The following INTS9 variants were observed in gnomAD, a reference collection of about 807,000 sequenced individuals.
INTS9 encodes protein related to CPSF subunits of 74 kDa.
Under a neutral mutation model 79.7 loss-of-function variants are expected in INTS9, and 55 were observed. The observed-to-expected ratio is 0.69, with a 90% CI of 0.56 to 0.86. The LOEUF (loss-of-function observed/expected upper bound fraction) is 0.86, where lower values mean the gene tolerates loss of function less well. INTS9 is among the 40% of genes least tolerant of loss of function. The pLI is 0.00. For missense variants in INTS9, 721 were observed against 831.5 expected (o/e 0.87, Z 1.64); for synonymous variants, 319 against 325.2 (o/e 0.98, Z 0.20).
chr8:28,802,671 G>C (rs1804586624), intron 8 of INTS9, among the ~76,000 whole-genome samples: 1 of 152,096 alleles, frequency 6.6e-6, no homozygotes, highest in Non-Finnish European at 1.5e-5. Flanking sequence ...GATGAGAAAA[G>C]ATCAAAACAA....
At position 28,780,495 on chromosome 8, in the gene INTS9, A is replaced by G. The variant is rs1197472434; in HGVS notation, c.1270+328T>C. 4.1e-6 allele frequency: 4 copies of G among 985,448 alleles called. No individual in the cohort carries two copies. In the South Asian group the frequency reaches 1.9e-4, roughly 46 times the overall value. The allele number at this position is 985,448 out of a possible 1,614,324, so 61.0% of individuals were successfully genotyped here. ...AGAAAAAGATCTACCTCTGTAAACA[A>G]TTCCTAACAGGTAAAACAACACCGT... On this transcript the variant is annotated intron_variant, in intron 12 of 16. Transcript: ENST00000521022.
intron 1 of INTS9, among the ~76,000 whole-genome samples, chr8:28,877,705 C>A (rs1809472283): frequency 6.6e-6 from 1 of 152,110 alleles, no homozygotes; most frequent in Admixed American, 6.5e-5. Context: ...CACTATGCAA[C>A]CGGTTTTTCT....
chr8:28,839,620 C>T (rs1197339295), intron 4 of INTS9, among the ~76,000 whole-genome samples: 1 of 151,940 alleles, frequency 6.6e-6, no homozygotes, highest in Non-Finnish European at 1.5e-5. Context: ...AGAACAGAGC[C>T]CTCAGAAATA....
chr8:28,792,781 C>T (rs555431627), intron 10 of INTS9, among the ~76,000 whole-genome samples: 4 of 151,982 alleles, frequency 2.6e-5, no homozygotes, highest in Middle Eastern at 3.4e-3. Flanking sequence ...GGCATGGTGG[C>T]GGGTGCCTGT....
intron 6 of INTS9, among the ~76,000 whole-genome samples, chr8:28,814,304 A>T (rs1484630622): frequency 2.4e-5 from 3 of 126,210 alleles, no homozygotes; most frequent in African/African-American, 8.2e-5. Context: ...ACACACACAC[A>T]CACACACACA....
intron 8 of INTS9, among the ~76,000 whole-genome samples, chr8:28,801,877 T>C (rs1804547940): frequency 6.6e-6 from 1 of 152,136 alleles, no homozygotes; most frequent in Non-Finnish European, 1.5e-5. Flanking sequence ...CCTCCCAAAG[T>C]GCTGGGATTA....
intron 2 of INTS9, among the ~76,000 whole-genome samples, chr8:28,854,013 G>A (rs902544273): frequency 2.6e-5 from 4 of 152,084 alleles, no homozygotes; most frequent in African/African-American, 7.2e-5. Flanking sequence ...AAGCCACCGC[G>A]CCTGGCCCAC....
At chr8:28,824,914 T>C (rs1283458241) in intron 6 of INTS9, among the ~76,000 whole-genome samples, 1 of 152,206 alleles carries the variant, frequency 6.6e-6, no homozygotes, top group Non-Finnish European at 1.5e-5. Context: ...TGATATATAA[T>C]ATAATGCATG....
intron 10 of INTS9, among the ~76,000 whole-genome samples, chr8:28,792,059 T>C (rs1803947630): frequency 6.6e-6 from 1 of 152,230 alleles, no homozygotes; most frequent in African/African-American, 2.4e-5. Context: ...AGTACAATTA[T>C]AAGTGAGGCT....
chr8:28,881,088 G>T (rs1265589922), intron 1 of INTS9, among the ~76,000 whole-genome samples: 1 of 149,642 alleles, frequency 6.7e-6, no homozygotes, highest in Non-Finnish European at 1.5e-5. Flanking sequence ...AGTGAGGAGC[G>T]TCTCCGCCCG....
At chr8:28,804,689 G>T (rs1295301709) in intron 8 of INTS9, among the ~76,000 whole-genome samples, 1 of 152,196 alleles carries the variant, frequency 6.6e-6, no homozygotes, top group African/African-American at 2.4e-5. Context: ...AAGGAAGGCA[G>T]CATCTACTAA....
intron 1 of INTS9, among the ~76,000 whole-genome samples, chr8:28,885,636 G>T (rs967018343): frequency 6.6e-6 from 1 of 152,096 alleles, no homozygotes; most frequent in Non-Finnish European, 1.5e-5. Context: ...TATTTTATTC[G>T]CTTGACTCTT....
At chr8:28,835,210 A>C in intron 6 of INTS9, 82 bp downstream of exon 6, 1 of 842,002 alleles carries the variant, frequency 1.2e-6, no homozygotes, top group Non-Finnish European at 1.9e-6. Context: ...TTGTTTAAGC[A>C]TAGAGGAAGA....
At chr8:28,853,911 G>A (rs1807998543) in intron 2 of INTS9, among the ~76,000 whole-genome samples, 1 of 152,044 alleles carries the variant, frequency 6.6e-6, no homozygotes, top group Non-Finnish European at 1.5e-5. Flanking sequence ...GTTAGAGACA[G>A]TGTTTCACTG....
chr8:28,802,388 A>G (rs1398145520), intron 8 of INTS9, among the ~76,000 whole-genome samples: 1 of 152,204 alleles, frequency 6.6e-6, no homozygotes, highest in Non-Finnish European at 1.5e-5. Flanking sequence ...GAAGGCAGAC[A>G]TCCCCCTGTG....
intron 10 of INTS9, 60 bp downstream of exon 10, chr8:28,793,747 C>T: frequency 2.3e-6 from 3 of 1,314,180 alleles, no homozygotes; most frequent in Non-Finnish European, 3.1e-6. Flanking sequence ...TTTATTCTTA[C>T]TGCTTGAATG....
At chr8:28,886,997 C>G (rs540647549) in intron 1 of INTS9, among the ~76,000 whole-genome samples, 1 of 152,272 alleles carries the variant, frequency 6.6e-6, no homozygotes, top group East Asian at 1.9e-4. Flanking sequence ...CCTTGATAAA[C>G]CTTCAGAAAT....
chr8:28,802,982 G>C (rs1168023974), intron 8 of INTS9, among the ~76,000 whole-genome samples: 1 of 151,778 alleles, frequency 6.6e-6, no homozygotes, highest in Non-Finnish European at 1.5e-5. Flanking sequence ...AGATGTGCTG[G>C]TGCACTGTAG....
At position 28,769,666 on chromosome 8, in the gene INTS9, G is replaced by A; in HGVS notation, c.1800+223C>T. ...AGCAGCTTTTTCTTCAGTCTGGAGA[G>A]GCCTTCTGGTGACCTCGTGCTGGGA... On this transcript the variant is annotated intron_variant, in intron 16 of 16. Coordinates refer to ENST00000521022, the MANE Select transcript of INTS9 (RefSeq NM_018250.4). The A allele has an allele frequency of 7.2e-6, 4 of 553,242 alleles. No homozygotes were observed. In the Admixed American group the frequency reaches 1.4e-4, roughly 19 times the overall value. The allele number at this position is 553,242 out of a possible 1,614,324, so 34.3% of individuals were successfully genotyped here.
Sources: gnomAD v4.1 joint callset for allele counts (sites outside exome capture counted in the v4.1 genomes callset) on GRCh38, gnomAD v4.1.1 for gene constraint, MANE v1.5 for transcripts, NCBI Gene and HGNC (gene_info 2026-07-23, HGNC 2026-07-21) for gene names.